UGT2B11: variants seen among roughly 807,000 people sequenced by gnomAD.
UGT2B11 encodes the protein UDP-glucuronosyltransferase 2B11.
UGT2B11 carries 49 observed loss-of-function variants against 51.7 expected under a neutral mutation model. That is an observed-to-expected ratio of 0.95 (90% CI 0.75 to 1.20). The LOEUF is 1.20. Ranked by LOEUF, UGT2B11 falls within the 50% of genes most tolerant of loss-of-function variation. The pLI is 0.00. For missense variants in UGT2B11, 810 were observed against 622.1 expected (o/e 1.30, Z -3.21); for synonymous variants, 273 against 209.0 (o/e 1.31, Z -2.64).
rs1472283715 is a variant in UGT2B11, at chr4:69,204,745, A to T, written c.1091-96T>A. The T allele has an allele frequency of 1.9e-6, 3 of 1,565,890 alleles. No homozygotes were observed. The African/African-American group carries it at 4.1e-5, about 22-fold the overall frequency. On this transcript the variant is annotated intron_variant, in intron 4 of 5. Coordinates refer to ENST00000446444, the MANE Select transcript of UGT2B11 (RefSeq NM_001073.3). ...AGTGACAGTGTTTTCTAGATAACAC[A>T]TTGAACTAATTTGCTATTACTTTTC...
At chr4:69,219,555 A>T (rs934487951), upstream of UGT2B11, among the ~76,000 whole-genome samples, 14 of 152,106 alleles carry the variant, frequency 9.2e-5, no homozygotes, top group African/African-American at 3.1e-4. Flanking sequence ...GGGTAATTTA[A>T]AAGGAAAGAG....
At chr4:69,214,870 C>T (rs1205052027), upstream of UGT2B11, 36 of 1,289,296 alleles carry the variant, frequency 2.8e-5, no homozygotes, top group Admixed American at 8.6e-4. Context: ...GGCAAGGAGA[C>T]AAACAAAGTT....
intron 4 of UGT2B11, among the ~76,000 whole-genome samples, chr4:69,205,237 A>G (rs936381132): frequency 6.6e-6 from 1 of 151,748 alleles, no homozygotes; most frequent in African/African-American, 2.4e-5. Flanking sequence ...GAAGATATTG[A>G]AAAATTCTGT....
chr4:69,218,568 T>G (rs368951847), upstream of UGT2B11, among the ~76,000 whole-genome samples: 70 of 151,952 alleles, frequency 4.6e-4, 1 homozygote, highest in South Asian at 0.012. Flanking sequence ...CTAATAACCA[T>G]CAAATTAAGG....
chr4:69,212,798 C>T, intron 1 of UGT2B11, 77 bp from the exon 2 acceptor site: 2 of 1,486,648 alleles, frequency 1.3e-6, no homozygotes, highest in African/African-American at 2.9e-5. Context: ...AAGGTTAGAA[C>T]AATGTAAGCA....
rs371964152 is a variant in UGT2B11 at position 69,211,656 on chromosome 4, A to T, written c.870+917T>A. On this transcript the variant is annotated intron_variant, in intron 2 of 5. Coordinates refer to ENST00000446444, the MANE Select transcript of UGT2B11 (RefSeq NM_001073.3). Reference sequence around the variant, plus strand: ...AATATGAAGTTGGCACTATTTCTGTAAATGTGGGCCTAATGATTTCTATCA... The same window carrying T: ...AATATGAAGTTGGCACTATTTCTGTTAATGTGGGCCTAATGATTTCTATCA... Among the ~76,000 whole-genome samples, 9 of 151,656 alleles carry T rather than the reference A, an allele frequency of 5.9e-5. No individual in the cohort carries two copies. In the East Asian group the frequency reaches 1.6e-3, roughly 26 times the overall value.
rs1434875764 is a variant in UGT2B11 at position 69,214,258 on chromosome 4, G to A, written c.465C>T (p.Pro155=). Residue 155 remains proline, a synonymous_variant, in exon 1 of 6, where the codon CCC becomes CCT. Transcript: ENST00000446444. ...GTAGCGCAGCCAGCAGCTCACCACA[G>A]GGAAAAACAGCATCTGCAAAAACGA... ...FDIVFADAVF[P]CGELLAALLN... 3.7e-6 allele frequency: 6 copies of A among 1,613,078 alleles called. No homozygotes were observed. The highest frequency in any genetic ancestry group is 1.7e-5 in the Admixed American group (1 of 59,874).
At chr4:69,202,440 C>T (rs1216794363) in intron 5 of UGT2B11, among the ~76,000 whole-genome samples, 1 of 151,602 alleles carries the variant, frequency 6.6e-6, no homozygotes, top group African/African-American at 2.4e-5. Context: ...TCCAATATGG[C>T]TGGATCATAT....
At chr4:69,221,169 G>A in the UGT2B11 span, among the ~76,000 whole-genome samples, 2 of 152,322 alleles carry the variant, frequency 1.3e-5, no homozygotes, top group African/African-American at 2.4e-5. Context: ...ATTTAGGCAT[G>A]ATAGGCTGTG....
chr4:69,201,651 G>C (rs1721663431), intron 5 of UGT2B11, among the ~76,000 whole-genome samples: 1 of 151,728 alleles, frequency 6.6e-6, no homozygotes, highest in Non-Finnish European at 1.5e-5. Context: ...ACAACCCAAG[G>C]CATGTGTCTG....
At chr4:69,214,937 T>G (rs1328600403), upstream of UGT2B11, 11 of 727,456 alleles carry the variant, frequency 1.5e-5, no homozygotes, top group Non-Finnish European at 2.3e-5. Context: ...TTATATTCAC[T>G]GTCATCCACC....
rs1324071178 is a variant in UGT2B11 at position 69,200,488 on chromosome 4, A to G, written c.1542T>C (p.Phe514=). The G allele has an allele frequency of 6.2e-7, 1 of 1,611,966 alleles. No individual in the cohort carries two copies. Among genetic ancestry groups the G allele is most frequent in the African/African-American group, 1.3e-5 (1 of 74,824 alleles). The change falls in exon 6 of 6, where the codon TTT becomes TTC. Residue 514 remains phenylalanine, a synonymous_variant. Coordinates refer to ENST00000446444, the MANE Select transcript of UGT2B11 (RefSeq NM_001073.3). The part of the protein sequence containing the change: ...VIFIITKFCL[F]CFWKFARKGK... ...CTTTTCTAGCAAACTTCCAGAAACA[A>G]AACAGACAAAACTTTGTGATGATAA...
chr4:69,223,619 C>T, the UGT2B11 span, among the ~76,000 whole-genome samples: 1 of 152,154 alleles, frequency 6.6e-6, no homozygotes, highest in Non-Finnish European at 1.5e-5. Flanking sequence ...TTTACGTGGG[C>T]CTGGCCATAA....
chr4:69,209,658 G>A (rs1477983499), intron 2 of UGT2B11, among the ~76,000 whole-genome samples: 4 of 151,546 alleles, frequency 2.6e-5, no homozygotes, highest in Non-Finnish European at 5.9e-5. Context: ...TTACATTAAC[G>A]TGAGAGTCCT....
intron 2 of UGT2B11, among the ~76,000 whole-genome samples, chr4:69,209,179 A>T (rs1406521821): frequency 6.6e-6 from 1 of 151,740 alleles, no homozygotes; most frequent in East Asian, 1.9e-4. Context: ...CTCATTTATC[A>T]TATGGAATTG....
intron 2 of UGT2B11, among the ~76,000 whole-genome samples, chr4:69,211,682 A>C (rs552997599): frequency 6.6e-6 from 1 of 151,650 alleles, no homozygotes; most frequent in East Asian, 1.9e-4. Flanking sequence ...ATTTCTATCA[A>C]CATTCTAGTC....
chr4:69,215,828 C>T (rs1423971183), upstream of UGT2B11: 1 of 151,628 alleles, frequency 6.6e-6, no homozygotes, highest in Non-Finnish European at 1.5e-5. Context: ...AATTTATAAA[C>T]ACACTCCAAC....
upstream of UGT2B11, chr4:69,216,241 G>C (rs994649074): frequency 1.3e-5 from 2 of 151,992 alleles, no homozygotes; most frequent in Non-Finnish European, 2.9e-5. Context: ...TAATTTTCTT[G>C]TTCAAAACAG....
At chr4:69,214,960 C>T (rs889265150), upstream of UGT2B11, 1 of 595,890 alleles carries the variant, frequency 1.7e-6, no homozygotes, top group African/African-American at 1.9e-5. Context: ...AGATTAATGA[C>T]CTTGCAAGTA....
Sources: gnomAD v4.1 joint callset for allele counts (sites outside exome capture counted in the v4.1 genomes callset) on GRCh38, gnomAD v4.1.1 for gene constraint, MANE v1.5 for transcripts, NCBI Gene and HGNC (gene_info 2026-07-23, HGNC 2026-07-21) for gene names.